Variants in DGKB observed in about 807,000 individuals in gnomAD.
DGKB encodes the protein diacylglycerol kinase beta.
Under a neutral mutation model 114.3 loss-of-function variants are expected in DGKB, and 67 were observed. The ratio of observed to expected loss-of-function variants is 0.59; its 90% CI spans 0.48 to 0.72. DGKB has a LOEUF of 0.72. DGKB is among the 30% of genes least tolerant of loss of function. The pLI, the probability that DGKB is intolerant of heterozygous loss-of-function variation, is 0.00. For synonymous variants in DGKB, 398 were observed against 323.1 expected, an observed-to-expected ratio of 1.23 and a Z score of -2.49; for missense variants, 907 against 975.2, an observed-to-expected ratio of 0.93 and a Z score of 0.93.
intron 1 of DGKB, among the ~76,000 whole-genome samples, chr7:14,956,098 A>T (rs2115251732): frequency 6.6e-6 from 1 of 152,120 alleles, no homozygotes; most frequent in East Asian, 1.9e-4. Flanking sequence ...AGCAATTCAA[A>T]ATATGCTAAG....
At chr7:14,694,253 C>T in intron 8 of DGKB, 59 bp from the exon 9 acceptor site, 3 of 1,441,868 alleles carry the variant, frequency 2.1e-6, no homozygotes, top group Non-Finnish European at 2.8e-6. Flanking sequence ...ATTTCATAGG[C>T]TACAACATAT....
At chr7:14,244,746 G>A (rs1323136422) in intron 23 of DGKB, among the ~76,000 whole-genome samples, 1 of 150,628 alleles carries the variant, frequency 6.6e-6, no homozygotes, top group African/African-American at 2.4e-5. Context: ...TCATGAGGGT[G>A]ACTGGTCCCT....
At position 14,747,771 on chromosome 7, in the gene DGKB, A is replaced by ACG. The variant is rs1344297768; in HGVS notation, c.168+6155_168+6156dup. Among the ~76,000 whole-genome samples, 173 of 92,114 alleles carry ACG rather than the reference A, an allele frequency of 1.9e-3. 2 individuals carry two copies. In the Middle Eastern group the frequency reaches 0.035, roughly 19 times the overall value. The allele number at this position is 92,114 out of a possible 152,430, so 60.4% of individuals were successfully genotyped here. A position where few individuals can be genotyped will look rare whatever the true frequency, so the allele number is the denominator to read the frequency against. Reference sequence around the variant, plus strand: ...AATTGCTGTGGGCTCAAACACATCCACGCGCACGCACACACACACACACAC... The same window carrying ACG: ...AATTGCTGTGGGCTCAAACACATCCACGCGCGCACGCACACACACACACACAC... On this transcript the variant is annotated intron_variant, in intron 4 of 25. Coordinates refer to ENST00000402815, the MANE Select transcript of DGKB (RefSeq NM_001350709.2).
intron 23 of DGKB, among the ~76,000 whole-genome samples, chr7:14,326,067 CT>C (rs72334706): frequency 0.059 from 7,974 of 134,740 alleles, 539 homozygotes; most frequent in African/African-American, 0.19. Flanking sequence ...TCACAGATTT[CT>C]TTTTTTTTTT....
At chr7:14,226,741 T>C (rs577851061) in intron 23 of DGKB, among the ~76,000 whole-genome samples, 3 of 152,218 alleles carry the variant, frequency 2.0e-5, no homozygotes, top group African/African-American at 7.2e-5. Flanking sequence ...TCCAGTTTCA[T>C]TTAACTTATA....
chr7:14,321,174 C>T (rs566573345), intron 23 of DGKB, among the ~76,000 whole-genome samples: 1 of 152,030 alleles, frequency 6.6e-6, no homozygotes, highest in African/African-American at 2.4e-5. Flanking sequence ...GCCAGTGGTC[C>T]CAGCCGCTTG....
At chr7:14,679,029 T>C (rs1820374984) in intron 12 of DGKB, among the ~76,000 whole-genome samples, 1 of 151,914 alleles carries the variant, frequency 6.6e-6, no homozygotes, top group African/African-American at 2.4e-5. Context: ...TAAAAATCAG[T>C]CAGTTGGGCT....
intron 21 of DGKB, among the ~76,000 whole-genome samples, chr7:14,378,695 T>C (rs1200615414): frequency 6.6e-6 from 1 of 152,126 alleles, no homozygotes; most frequent in Middle Eastern, 3.2e-3. Context: ...TGTTTCTGTG[T>C]AAAACACTCA....
intron 5 of DGKB, among the ~76,000 whole-genome samples, chr7:14,720,676 A>T (rs970199031): frequency 4.6e-5 from 7 of 152,058 alleles, no homozygotes; most frequent in Admixed American, 2.0e-4. Flanking sequence ...TATTTATTTC[A>T]AATGTGGCTT....
At chr7:14,736,327 C>T in intron 4 of DGKB, 133 bp from the exon 5 acceptor site, 1 of 590,586 alleles carries the variant, frequency 1.7e-6, no homozygotes, top group South Asian at 2.7e-5. Flanking sequence ...ATGGAAAGTG[C>T]CTATTTGAGA....
chr7:14,496,134 G>T (rs970092149), intron 20 of DGKB, among the ~76,000 whole-genome samples: 2 of 151,684 alleles, frequency 1.3e-5, no homozygotes, highest in Admixed American at 1.3e-4. Context: ...AAAATTTACG[G>T]AAGTAGCTTT....
At chr7:14,676,726 A>G (rs1337288246) in intron 12 of DGKB, among the ~76,000 whole-genome samples, 1 of 152,054 alleles carries the variant, frequency 6.6e-6, no homozygotes, top group Non-Finnish European at 1.5e-5. Flanking sequence ...TGTTTTAAAG[A>G]TAACCTATAT....
chr7:14,890,638 A>G (rs2128224847), intron 1 of DGKB, among the ~76,000 whole-genome samples: 1 of 151,434 alleles, frequency 6.6e-6, no homozygotes, highest in East Asian at 1.9e-4. Flanking sequence ...TACTGTGGGC[A>G]TATTATCCTT....
At chr7:14,324,668 AG>A (rs1010818815) in intron 23 of DGKB, among the ~76,000 whole-genome samples, 1 of 152,188 alleles carries the variant, frequency 6.6e-6, no homozygotes, top group African/African-American at 2.4e-5. Context: ...ATAAGAACCT[AG>A]ACATACTACA....
chr7:14,250,807 G>A (rs186951030), intron 23 of DGKB, among the ~76,000 whole-genome samples: 1 of 152,116 alleles, frequency 6.6e-6, no homozygotes, highest in African/African-American at 2.4e-5. Flanking sequence ...ATATTTAGGT[G>A]TGCCAATATT....
intron 6 of DGKB, among the ~76,000 whole-genome samples, chr7:14,715,110 G>C (rs1433689671): frequency 6.6e-6 from 1 of 152,076 alleles, no homozygotes; most frequent in African/African-American, 2.4e-5. Context: ...TCAGATCACT[G>C]AGACAGTGAA....
At chr7:14,591,814 G>A (rs577588416) in intron 17 of DGKB, among the ~76,000 whole-genome samples, 1 of 151,996 alleles carries the variant, frequency 6.6e-6, no homozygotes, top group Non-Finnish European at 1.5e-5. Flanking sequence ...GGCTTACTTT[G>A]TGTTAAGATA....
chr7:14,874,398 C>A (rs1451508119), intron 1 of DGKB, among the ~76,000 whole-genome samples: 2 of 151,974 alleles, frequency 1.3e-5, no homozygotes, highest in African/African-American at 4.8e-5. Context: ...TCAGATTAAT[C>A]CACTAACATT....
intron 25 of DGKB, among the ~76,000 whole-genome samples, chr7:14,154,263 AG>A (rs1562484534): frequency 6.6e-6 from 1 of 151,182 alleles, no homozygotes; most frequent in African/African-American, 2.4e-5. Context: ...GAAGCTTTAC[AG>A]GAAAGAAAAT....
Sources: gnomAD v4.1 joint callset for allele counts (sites outside exome capture counted in the v4.1 genomes callset) on GRCh38, gnomAD v4.1.1 for gene constraint, MANE v1.5 for transcripts, NCBI Gene and HGNC (gene_info 2026-07-23, HGNC 2026-07-21) for gene names.